RNF187: variants seen among roughly 807,000 people sequenced by gnomAD.
RNF187 encodes E3 ubiquitin-protein ligase RNF187.
RNF187 carries 18 observed loss-of-function variants against 22.2 expected under a neutral mutation model. That is an observed-to-expected ratio of 0.81 (90% confidence interval 0.56 to 1.20). RNF187 has a LOEUF of 1.20. RNF187 is among the 50% of genes most tolerant of loss of function. The probability of loss-of-function intolerance (pLI) is 0.00; values close to 1 mark genes in which losing one functional copy is unlikely to be tolerated. For synonymous variants in RNF187, 164 were observed against 140.9 expected, an observed-to-expected ratio of 1.16 and a Z score of -1.16; for missense variants, 329 against 317.6, an observed-to-expected ratio of 1.04 and a Z score of -0.27.
At chr1:228,488,648 G>GTGTAGGGCAGGC in intron 1 of RNF187, among the ~76,000 whole-genome samples, 1 of 152,246 alleles carries the variant, frequency 6.6e-6, no homozygotes, top group Admixed American at 6.5e-5. Flanking sequence ...GCAGGGCAGG[G>GTGTAGGGCAGGC]TGTAGGGCAG....
chr1:228,489,841 G>T, intron 2 of RNF187, among the ~76,000 whole-genome samples: 3 of 152,166 alleles, frequency 2.0e-5, no homozygotes, highest in Admixed American at 1.3e-4. Flanking sequence ...ACCTCCCAAG[G>T]GTCCTGCCTC....
At position 228,495,917 on chromosome 1, in the gene RNF187, C is replaced by G; in HGVS notation, c.*2032C>G. ...CTAAGGGGGATTGGTTCCAGGACCC[C>G]CTCATGGATACCAAAATCTGCAGAT... On this transcript the variant is annotated 3_prime_UTR_variant, in exon 4 of 4. Coordinates refer to ENST00000305943, the MANE Select transcript of RNF187 (RefSeq NM_001010858.3). Among the ~76,000 whole-genome samples, 3 of 152,060 alleles carry G rather than the reference C, an allele frequency of 2.0e-5. No homozygotes were observed. Among genetic ancestry groups the G allele is most frequent in the Non-Finnish European group, 4.4e-5 (3 of 68,012 alleles).
intron 1 of RNF187, 113 bp downstream of exon 1, chr1:228,487,991 G>A: frequency 3.2e-6 from 2 of 631,024 alleles, no homozygotes; most frequent in East Asian, 9.3e-5. Context: ...TCCTGTCCCC[G>A]GATTGTCCCC....
chr1:228,494,105 T>G lies in RNF187; in HGVS notation c.*220T>G. On this transcript the variant is annotated 3_prime_UTR_variant, in exon 4 of 4. Transcript: ENST00000305943. Reference sequence around the variant, plus strand: ...CGGTAGAGGCTGGACCTGAGGACCCTTCCCACCTGTGCCCGTCCCTTCCTG... The same window carrying G: ...CGGTAGAGGCTGGACCTGAGGACCCGTCCCACCTGTGCCCGTCCCTTCCTG... 1 of 1,456,182 alleles carries G rather than the reference T, an allele frequency of 6.9e-7. No homozygotes were observed. Among genetic ancestry groups the G allele is most frequent in the East Asian group, 2.5e-5 (1 of 39,788 alleles). 90.2% of individuals were successfully genotyped at this position (1,456,182 alleles called of 1,614,324 possible).
chr1:228,492,336 C>T, intron 2 of RNF187, among the ~76,000 whole-genome samples: 1 of 152,020 alleles, frequency 6.6e-6, no homozygotes, highest in Admixed American at 6.5e-5. Context: ...AGGCATGAGG[C>T]ACCGTGCCAG....
chr1:228,494,904 T>C lies in RNF187; in HGVS notation c.*1019T>C. On this transcript the variant is annotated 3_prime_UTR_variant, in exon 4 of 4. Transcript: ENST00000305943. ...TCTGAGTCCCCGGCCCTTGGTGCGA[T>C]GTCTGTGAGTTTGACCTGCCCAGCG... The C allele has an allele frequency of 3.0e-6, 3 of 985,426 alleles. No individual in the cohort carries two copies. The highest frequency in any genetic ancestry group is 9.4e-5 in the South Asian group (2 of 21,282). 61.0% of individuals were successfully genotyped at this position (985,426 alleles called of 1,614,324 possible).
At position 228,487,708 on chromosome 1, in the gene RNF187, G is replaced by A; in HGVS notation, c.220G>A (p.Ala74Thr). 1 of 1,053,316 alleles carries A rather than the reference G, an allele frequency of 9.5e-7. No homozygotes were observed. Among genetic ancestry groups the A allele is most frequent in the Non-Finnish European group, 1.1e-6 (1 of 875,684 alleles). The allele number at this position is 1,053,316 out of a possible 1,614,324, so 65.2% of individuals were successfully genotyped here. ...GCCCCCGCTCAGCCGCCGCCTTCTGGCGCTCGAGGAGGCGGCCGCGGCGCC... is the reference window on the plus strand; with the variant it reads ...GCCCCCGCTCAGCCGCCGCCTTCTGACGCTCGAGGAGGCGGCCGCGGCGCC... Residue 74 changes from alanine (A) to threonine (T), a missense_variant, in exon 1 of 4, where the codon GCG becomes ACG. Transcript: ENST00000305943.
chr1:228,487,942 C>G, intron 1 of RNF187, 64 bp downstream of exon 1: 6 of 1,010,734 alleles, frequency 5.9e-6, no homozygotes, highest in Non-Finnish European at 7.3e-6. Flanking sequence ...GCCCCCGCCC[C>G]GGTCCCCCTG....
chr1:228,491,123 C>T, intron 2 of RNF187, among the ~76,000 whole-genome samples: 1 of 152,064 alleles, frequency 6.6e-6, no homozygotes, highest in Admixed American at 6.6e-5. Context: ...TGCAGTGGTT[C>T]ATGCCTGTAA....
In RNF187 at chr1:228,489,203, G is replaced by T; in HGVS notation, c.483+151G>T. 9.9e-6 allele frequency: 6 copies of T among 603,252 alleles called. No individual in the cohort carries two copies. The East Asian group carries it at 1.7e-4, about 17-fold the overall frequency. 37.4% of individuals were successfully genotyped at this position (603,252 alleles called of 1,614,324 possible). ...CCTCTGGACTTAAGTGAGCTTCAGG[G>T]TATTTTTTTTAGGATGTGTTTGTAT... On this transcript the variant is annotated intron_variant, in intron 2 of 3. Transcript: ENST00000305943.
Position 228,489,004 on chromosome 1 carries a change from C to T in RNF187, c.435C>T (p.Asp145=). 2 of 1,550,686 alleles carry T rather than the reference C, an allele frequency of 1.3e-6. No individual in the cohort carries two copies. Among genetic ancestry groups the T allele is most frequent in the Non-Finnish European group, 8.7e-7 (1 of 1,146,942 alleles). The change falls in exon 2 of 4, where the codon GAC becomes GAT. Residue 145 remains aspartate (D), a synonymous_variant. Coordinates refer to ENST00000305943, the MANE Select transcript of RNF187 (RefSeq NM_001010858.3). Reference sequence around the variant, plus strand: ...AAATCATGAGAAAGGACTTGAATGACGCCCGGGACCTGCATGGCCAGGCAG... The same window carrying T: ...AAATCATGAGAAAGGACTTGAATGATGCCCGGGACCTGCATGGCCAGGCAG...
chr1:228,494,982 C>T lies in RNF187; in HGVS notation c.*1097C>T. On this transcript the variant is annotated 3_prime_UTR_variant, in exon 4 of 4. Transcript: ENST00000305943. ...TGGGTTTGTGTCAGCTCGTTTGCTT[C>T]GTCTCCGTGTGTCCACCTGGCCTCT... is the stretch of plus-strand genomic sequence containing the variant. 9.2e-5 allele frequency: 91 copies of T among 985,624 alleles called. No individual in the cohort carries two copies. Among genetic ancestry groups the T allele is most frequent in the East Asian group, 9.1e-4 (8 of 8,804 alleles). The allele number at this position is 985,624 out of a possible 1,614,324, so 61.1% of individuals were successfully genotyped here.
chr1:228,489,323 T>TC, intron 2 of RNF187, among the ~76,000 whole-genome samples: 1 of 152,128 alleles, frequency 6.6e-6, no homozygotes, highest in Non-Finnish European at 1.5e-5. Flanking sequence ...CTTTTTTTTT[T>TC]CCCAAGAGAC....
In RNF187 at chr1:228,494,542, C is replaced by T; in HGVS notation, c.*657C>T. The T allele has an allele frequency of 4.1e-5, 40 of 985,914 alleles. No individual in the cohort carries two copies. Among genetic ancestry groups the T allele is most frequent in the Non-Finnish European group, 4.5e-5 (37 of 830,416 alleles). The allele number at this position is 985,914 out of a possible 1,614,324, so 61.1% of individuals were successfully genotyped here. On this transcript the variant is annotated 3_prime_UTR_variant, in exon 4 of 4. Coordinates refer to ENST00000305943, the MANE Select transcript of RNF187 (RefSeq NM_001010858.3). ...AGCCCTCCCTGTGCTCCACCTGCCT[C>T]CGCAGAAGGAAGCCTCTTTCTCTGT...
chr1:228,488,991 A>G lies in RNF187; in HGVS notation c.422A>G (p.Lys141Arg), dbSNP rs750208361. The change falls in exon 2 of 4, where the codon AAG becomes AGG. Residue 141 changes from lysine to arginine, a missense_variant. By Grantham distance (26) the Lys-to-Arg change is conservative. Coordinates refer to ENST00000305943, the MANE Select transcript of RNF187 (RefSeq NM_001010858.3). The stretch of plus-strand genomic sequence containing the variant: ...AAGGGGTCTGTGGAAATCATGAGAA[A>G]GGACTTGAATGACGCCCGGGACCTG... 6.4e-7 allele frequency: 1 copy of G among 1,551,076 alleles called. No individual in the cohort carries two copies. The highest frequency in any genetic ancestry group is 1.2e-5 in the South Asian group (1 of 84,066).
chr1:228,493,785 C>T lies in RNF187; in HGVS notation c.706-98C>T. The T allele has an allele frequency of 1.9e-5, 24 of 1,296,192 alleles. No individual in the cohort carries two copies. Among genetic ancestry groups the T allele is most frequent in the African/African-American group, 5.9e-5 (4 of 67,964 alleles). 80.3% of individuals were successfully genotyped at this position (1,296,192 alleles called of 1,614,324 possible). Reference sequence around the variant, plus strand: ...AGTACCTCATGCGCTGTCTCATGTGCGCTCTCTCTTTCGCTCTCTCCTTTT... The same window carrying T: ...AGTACCTCATGCGCTGTCTCATGTGTGCTCTCTCTTTCGCTCTCTCCTTTT... On this transcript the variant is annotated intron_variant, in intron 3 of 3. Coordinates refer to ENST00000305943, the MANE Select transcript of RNF187 (RefSeq NM_001010858.3). The surrounding 1 kb of genome is among the most constrained non-coding windows in gnomAD (Gnocchi z 4.7).
At chr1:228,489,419 A>T in intron 2 of RNF187, among the ~76,000 whole-genome samples, 2 of 151,744 alleles carry the variant, frequency 1.3e-5, no homozygotes, top group Non-Finnish European at 2.9e-5. Context: ...CGATCCTCCC[A>T]CCTCAGCCTC....
chr1:228,492,962 A>G, intron 2 of RNF187, 91 bp from the exon 3 acceptor site: 2 of 1,337,926 alleles, frequency 1.5e-6, no homozygotes, highest in Non-Finnish European at 1.0e-6. Flanking sequence ...TTGGAGTGGC[A>G]TGTTCTTAAC....
chr1:228,489,301 A>T, intron 2 of RNF187, among the ~76,000 whole-genome samples: 2 of 152,050 alleles, frequency 1.3e-5, no homozygotes, highest in African/African-American at 4.8e-5. Flanking sequence ...AGGTGATGGC[A>T]GCATCAGACT....
Sources: allele counts gnomAD v4.1 joint callset (sites outside exome capture counted in the v4.1 genomes callset), GRCh38; gene constraint gnomAD v4.1.1; non-coding constraint Gnocchi (gnomAD v3.1); transcripts MANE v1.5; gene names NCBI Gene and HGNC (gene_info 2026-07-23, HGNC 2026-07-21).